Variants in CFH observed in about 807,000 individuals in gnomAD.
CFH encodes complement factor H, also known as H factor 1 (complement).
CFH carries 53 observed loss-of-function variants against 147.3 expected under a neutral mutation model. The ratio of observed to expected loss-of-function variants is 0.36; its 90% CI spans 0.29 to 0.45. The LOEUF (loss-of-function observed/expected upper bound fraction) is 0.45. Among genes scored for constraint, CFH ranks in the 20% least tolerant of loss-of-function variants. The pLI, the probability that CFH is intolerant of heterozygous loss-of-function variation, is 1.00. For synonymous variants in CFH, 536 were observed against 489.4 expected (o/e 1.10, Z -1.26); for missense variants, 1,380 against 1,498.0 (o/e 0.92, Z 1.30).
chr1:196,737,609 A>T lies in CFH; in HGVS notation c.2731A>T (p.Asn911Tyr). The change falls in exon 17 of 22, where the codon AAT (asparagine) becomes TAT (tyrosine). Residue 911 changes from asparagine to tyrosine, a missense_variant. Around this residue, in one of 4 missense-constraint regions of CFH, gnomAD observed 830 missense variants for 821.4 expected, o/e 1.01. Coordinates refer to ENST00000367429, the MANE Select transcript of CFH (RefSeq NM_000186.4). ...CEGGFRISEE[N>Y]ETTCYMGKWS... Reference sequence around the variant, plus strand: ...GGGTGGTTTCAGGATATCTGAAGAAAATGAAACAACATGCTACATGGGAAA... The same window carrying T: ...GGGTGGTTTCAGGATATCTGAAGAATATGAAACAACATGCTACATGGGAAA... 2.5e-6 allele frequency: 4 copies of T among 1,613,500 alleles called. No homozygotes were observed. Among genetic ancestry groups the T allele is most frequent in the Non-Finnish European group, 3.4e-6 (4 of 1,179,656 alleles).
chr1:196,747,289 G>A lies in CFH; in HGVS notation c.3672G>A (p.Glu1224=). Residue 1224 remains glutamate (E), a synonymous_variant, in exon 22 of 22, where the codon GAG becomes GAA. Transcript: ENST00000367429. ...LRTTCWDGKL[E]YPTCAKR ...CAACATGTTGGGATGGGAAACTGGA[G>A]TATCCAACTTGTGCAAAAAGATAGA... 6.2e-7 allele frequency: 1 copy of A among 1,614,004 alleles called. No homozygotes were observed. Among genetic ancestry groups the A allele is most frequent in the African/African-American group, 1.3e-5 (1 of 75,036 alleles).
intron 15 of CFH, among the ~76,000 whole-genome samples, chr1:196,728,741 A>G (rs978686421): frequency 2.0e-5 from 3 of 151,570 alleles, no homozygotes; most frequent in Non-Finnish European, 4.4e-5. Context: ...ACGCACACAC[A>G]CACACACACA....
intron 19 of CFH, 81 bp from the exon 20 acceptor site, chr1:196,743,371 A>G: frequency 1.9e-6 from 3 of 1,565,028 alleles, no homozygotes; most frequent in Non-Finnish European, 2.6e-6. Flanking sequence ...ATTCGTCTTG[A>G]AATATATTTG....
chr1:196,697,193 G>T (rs1211945583), intron 9 of CFH, among the ~76,000 whole-genome samples: 1 of 152,100 alleles, frequency 6.6e-6, no homozygotes, highest in Non-Finnish European at 1.5e-5. Flanking sequence ...CACAGCAAAA[G>T]AAACTACCAT....
At chr1:196,722,514 A>G (rs1347262495) in intron 11 of CFH, among the ~76,000 whole-genome samples, 2 of 152,068 alleles carry the variant, frequency 1.3e-5, no homozygotes, top group African/African-American at 4.8e-5. Context: ...TGCTGATTTT[A>G]TAATTTTTCC....
intron 1 of CFH, among the ~76,000 whole-genome samples, chr1:196,656,109 G>A (rs1666676494): frequency 6.6e-6 from 1 of 152,062 alleles, no homozygotes; most frequent in South Asian, 2.1e-4. Context: ...TTCGAGACCA[G>A]CCTGACCAAA....
chr1:196,699,510 T>C (rs1449849790), intron 9 of CFH, among the ~76,000 whole-genome samples: 1 of 152,226 alleles, frequency 6.6e-6, no homozygotes, highest in Non-Finnish European at 1.5e-5. Context: ...TAATAGTCTC[T>C]TTTCATGAGC....
chr1:196,714,893 G>A (rs1238547428), intron 10 of CFH, among the ~76,000 whole-genome samples: 1 of 150,766 alleles, frequency 6.6e-6, no homozygotes, highest in Non-Finnish European at 1.5e-5. Flanking sequence ...TAGAGACAGG[G>A]TTTTGCCATG....
intron 14 of CFH, among the ~76,000 whole-genome samples, chr1:196,728,087 A>G (rs1266352581): frequency 6.6e-6 from 1 of 152,088 alleles, no homozygotes; most frequent in African/African-American, 2.4e-5. Context: ...GAAATATCCA[A>G]TGATATTTTG....
chr1:196,675,544 A>G (rs899054002), intron 3 of CFH, among the ~76,000 whole-genome samples: 4 of 152,176 alleles, frequency 2.6e-5, no homozygotes, highest in Admixed American at 6.6e-5. Flanking sequence ...GTCGTTGGTT[A>G]CTATGGTATT....
At chr1:196,715,234 G>A (rs1288970442) in intron 10 of CFH, among the ~76,000 whole-genome samples, 2 of 151,618 alleles carry the variant, frequency 1.3e-5, no homozygotes, top group East Asian at 1.9e-4. Context: ...GAATTAGTTT[G>A]GACTCTTAAT....
chr1:196,715,158 T>C (rs1250226123), intron 10 of CFH, among the ~76,000 whole-genome samples: 1 of 151,968 alleles, frequency 6.6e-6, no homozygotes, highest in Non-Finnish European at 1.5e-5. Context: ...AAAGAGAAAA[T>C]GTCTTGTATA....
chr1:196,694,094 C>A (rs1158245157), intron 9 of CFH, among the ~76,000 whole-genome samples: 1 of 151,676 alleles, frequency 6.6e-6, no homozygotes, highest in African/African-American at 2.4e-5. Context: ...CCCATCAACC[C>A]GTCATCTAGG....
intron 3 of CFH, among the ~76,000 whole-genome samples, chr1:196,675,660 G>T (rs1667428567): frequency 6.6e-6 from 1 of 152,058 alleles, no homozygotes; most frequent in Non-Finnish European, 1.5e-5. Context: ...AAACAATAAT[G>T]ATTTTGTCGT....
intron 16 of CFH, 65 bp from the exon 17 acceptor site, chr1:196,737,410 A>T: frequency 9.0e-7 from 1 of 1,113,450 alleles, no homozygotes; most frequent in Non-Finnish European, 1.3e-6. Flanking sequence ...AATAGTATTT[A>T]GTTTTATATT....
At chr1:196,659,240 T>G (rs1227323045) in intron 1 of CFH, among the ~76,000 whole-genome samples, 1 of 152,226 alleles carries the variant, frequency 6.6e-6, no homozygotes, top group Non-Finnish European at 1.5e-5. Flanking sequence ...AACATTCGAT[T>G]GTTAGTCAAT....
intron 10 of CFH, 130 bp downstream of exon 10, chr1:196,714,047 C>A: frequency 2.5e-6 from 2 of 785,058 alleles, no homozygotes; most frequent in Non-Finnish European, 4.2e-6. Flanking sequence ...AGGAACAAAG[C>A]AGACATCAAT....
intron 15 of CFH, among the ~76,000 whole-genome samples, chr1:196,733,349 C>A (rs1316932024): frequency 6.6e-6 from 1 of 152,012 alleles, no homozygotes; most frequent in Admixed American, 6.6e-5. Flanking sequence ...TTTGGCATAG[C>A]GCCTGGAGTT....
intron 1 of CFH, among the ~76,000 whole-genome samples, chr1:196,661,406 A>G (rs1666899395): frequency 6.6e-6 from 1 of 152,220 alleles, no homozygotes; most frequent in South Asian, 2.1e-4. Flanking sequence ...TGCCTAGCTT[A>G]TAAACAACAG....
Sources: gnomAD v4.1 joint callset for allele counts (sites outside exome capture counted in the v4.1 genomes callset) on GRCh38, gnomAD v4.1.1 for gene constraint, gnomAD v4.1.1 regional missense constraint, MANE v1.5 for transcripts, NCBI Gene and HGNC (gene_info 2026-07-23, HGNC 2026-07-21) for gene names.